The following ZNF718 variants were observed in gnomAD, a reference collection of about 807,000 sequenced individuals.
ZNF718 encodes the protein zinc finger protein 718.
ZNF718 carries 3 observed loss-of-function variants against 2.6 expected under a neutral mutation model. The observed-to-expected ratio is 1.16, with a 90% confidence interval of 0.53 to 3.01. The LOEUF is 3.01. Ranked by LOEUF, ZNF718 falls within the 30% of genes most tolerant of loss-of-function variation. The pLI is 0.03. For missense variants in ZNF718, 468 were observed against 230.0 expected (o/e 2.03, Z -6.69); for synonymous variants, 135 against 77.9 (o/e 1.73, Z -3.86).
intron 3 of ZNF718, 43 bp downstream of exon 3, chr4:131,548 C>T: frequency 2.8e-6 from 1 of 355,668 alleles, no homozygotes; most frequent in South Asian, 5.8e-5. Flanking sequence ...ACAAGGAGGC[C>T]AAAAGTCAAG....
rs142059131 is a variant in ZNF718 at position 156,044 on chromosome 4, T to C, written c.227-4868T>C. Among the ~76,000 whole-genome samples, 430 of 152,310 alleles carry C rather than the reference T, an allele frequency of 2.8e-3. 5 individuals are homozygous for C. The highest frequency in any genetic ancestry group is 9.5e-3 in the African/African-American group (393 of 41,578). On this transcript the variant is annotated intron_variant, in intron 3 of 3. Coordinates refer to ENST00000510175, the MANE Select transcript of ZNF718 (RefSeq NM_001039127.6). ...TCTTATTCTCTTTCGTCTACCACCATGTAAGATGTGCCTTTCACTTTGTAC... is the reference window on the plus strand; with the variant it reads ...TCTTATTCTCTTTCGTCTACCACCACGTAAGATGTGCCTTTCACTTTGTAC...
Sources: allele counts gnomAD v4.1 joint callset (sites outside exome capture counted in the v4.1 genomes callset), GRCh38; gene constraint gnomAD v4.1.1; transcripts MANE v1.5; gene names NCBI Gene and HGNC (gene_info 2026-07-23, HGNC 2026-07-21).